HIP1: variants seen among roughly 807,000 people sequenced by gnomAD.
HIP1 encodes the protein huntingtin interacting protein 1.
Under a neutral mutation model 147.6 loss-of-function variants are expected in HIP1, and 65 were observed. The observed-to-expected ratio is 0.44, with a 90% CI of 0.36 to 0.54. The LOEUF is 0.54. HIP1 is among the 20% of genes least tolerant of loss of function. The pLI, the probability that HIP1 is intolerant of heterozygous loss-of-function variation, is 0.00. For missense variants in HIP1, 1,061 were observed against 1,299.6 expected (o/e 0.82, Z 2.82); for synonymous variants, 479 against 504.0 (o/e 0.95, Z 0.67).
At position 75,534,436 on chromosome 7, in the gene HIP1, T is replaced by C. The variant is rs1794007531; in HGVS notation, c.*3736A>G. The C allele has an allele frequency of 5.5e-6, 1 of 182,228 alleles. No homozygotes were observed. 11.3% of individuals were successfully genotyped at this position (182,228 alleles called of 1,614,324 possible). ...TCTCTTCTATTTCTTTCTCTCTCTC[T>C]CTCTTTTTTTTTTTTGAGATGGAGT... On this transcript the variant is annotated 3_prime_UTR_variant, in exon 31 of 31. Coordinates refer to ENST00000336926, the MANE Select transcript of HIP1 (RefSeq NM_005338.7).
intron 1 of HIP1, among the ~76,000 whole-genome samples, chr7:75,636,341 ACT>A (rs1318664279): frequency 6.8e-6 from 1 of 146,784 alleles, no homozygotes; most frequent in African/African-American, 2.5e-5. Context: ...ACACAGCGAG[ACT>A]CTGTCTCAAA....
At chr7:75,561,173 C>T (rs3757604) in intron 13 of HIP1, among the ~76,000 whole-genome samples, 156 bp downstream of exon 13, 13,608 of 151,984 alleles carry the variant, frequency 0.09, 623 homozygotes, top group South Asian at 0.13. Context: ...AGGCTGGTCT[C>T]GAACTCCCGA....
chr7:75,601,910 G>A (rs1375223671), intron 1 of HIP1, among the ~76,000 whole-genome samples: 1 of 149,950 alleles, frequency 6.7e-6, no homozygotes, highest in Non-Finnish European at 1.5e-5. Flanking sequence ...ATTTGTATAC[G>A]TTTGAACTTT....
intron 23 of HIP1, among the ~76,000 whole-genome samples, 159 bp from the exon 24 acceptor site, chr7:75,547,972 C>T (rs587732948): frequency 1.6e-4 from 25 of 152,252 alleles, no homozygotes; most frequent in African/African-American, 5.3e-4. Context: ...AGAAAAGAAT[C>T]CAGACTCTAA....
chr7:75,619,245 G>A (rs890059038), intron 1 of HIP1, among the ~76,000 whole-genome samples: 2 of 152,098 alleles, frequency 1.3e-5, no homozygotes, highest in Admixed American at 6.6e-5. Context: ...AACAGTGGCC[G>A]GGCACAGTGG....
chr7:75,688,780 A>G (rs1554517848), intron 1 of HIP1, among the ~76,000 whole-genome samples: 2 of 152,110 alleles, frequency 1.3e-5, no homozygotes, highest in Non-Finnish European at 2.9e-5. Flanking sequence ...CTCCCCAGGA[A>G]CCAGCAGCAG....
intron 1 of HIP1, among the ~76,000 whole-genome samples, chr7:75,632,622 T>C (rs1389876505): frequency 6.7e-6 from 1 of 149,856 alleles, no homozygotes; most frequent in Non-Finnish European, 1.5e-5. Context: ...GGTCTCAAAC[T>C]CTTAGGCTCA....
At chr7:75,644,885 G>A (rs1194517242) in intron 1 of HIP1, among the ~76,000 whole-genome samples, 2 of 152,172 alleles carry the variant, frequency 1.3e-5, no homozygotes, top group African/African-American at 4.8e-5. Context: ...ATTCTCACCG[G>A]GCTTGCCTTG....
At chr7:75,723,550 C>T (rs1312994188) in intron 1 of HIP1, among the ~76,000 whole-genome samples, 3 of 149,634 alleles carry the variant, frequency 2.0e-5, no homozygotes, top group African/African-American at 7.3e-5. Flanking sequence ...CGACATCTTG[C>T]AGTGCCAGGC....
rs1794034711 is a variant in HIP1, at chr7:75,535,112, C to T, written c.*3060G>A. 4.6e-6 allele frequency: 1 copy of T among 216,382 alleles called. No homozygotes were observed. The highest frequency in any genetic ancestry group is 9.3e-6 in the Non-Finnish European group (1 of 107,414). 13.4% of individuals were successfully genotyped at this position (216,382 alleles called of 1,614,324 possible). On this transcript the variant is annotated 3_prime_UTR_variant, in exon 31 of 31. Coordinates refer to ENST00000336926, the MANE Select transcript of HIP1 (RefSeq NM_005338.7). ...AAAGTAATTATGTGACATCTGACAG[C>T]TACTTCCTCATGTGACACTGAATTA...
chr7:75,735,393 C>T (rs1218901686), intron 1 of HIP1, among the ~76,000 whole-genome samples: 6 of 152,138 alleles, frequency 3.9e-5, no homozygotes, highest in Non-Finnish European at 5.9e-5. Context: ...CCACCTCATC[C>T]GTTCTTGTCA....
chr7:75,556,194 A>G (rs1554493294), intron 17 of HIP1, 25 bp from the exon 18 acceptor site: 6 of 1,612,192 alleles, frequency 3.7e-6, no homozygotes, highest in Middle Eastern at 1.7e-4. Flanking sequence ...ACAAGGAAAG[A>G]GGGAGACGCT....
chr7:75,645,072 G>T (rs1034586982), intron 1 of HIP1, among the ~76,000 whole-genome samples: 6 of 152,200 alleles, frequency 3.9e-5, no homozygotes, highest in Admixed American at 3.3e-4. Context: ...CAGGAACTAG[G>T]AAGGTGGGTG....
intron 1 of HIP1, among the ~76,000 whole-genome samples, chr7:75,683,444 G>GA (rs1411169314): frequency 1.3e-5 from 1 of 79,300 alleles, no homozygotes; most frequent in Non-Finnish European, 2.5e-5. Context: ...GGACTCGTTG[G>GA]GAGTGCACAG....
chr7:75,719,149 C>T (rs937096588), intron 1 of HIP1, among the ~76,000 whole-genome samples: 2 of 151,918 alleles, frequency 1.3e-5, no homozygotes, highest in South Asian at 4.2e-4. Flanking sequence ...GAGATCCTGT[C>T]TCTATTTAAT....
intron 1 of HIP1, among the ~76,000 whole-genome samples, chr7:75,675,096 G>A (rs782047659): frequency 7.9e-5 from 12 of 152,058 alleles, no homozygotes; most frequent in Non-Finnish European, 1.3e-4. Context: ...GTGTCCCGCA[G>A]GTCATTAATC....
At chr7:75,562,645 T>C (rs1795267903) in intron 11 of HIP1, among the ~76,000 whole-genome samples, 1 of 152,122 alleles carries the variant, frequency 6.6e-6, no homozygotes. Context: ...GCTAATTTTG[T>C]AAAGATGGGG....
chr7:75,557,456 C>T (rs587654371), intron 16 of HIP1, among the ~76,000 whole-genome samples, 198 bp downstream of exon 16: 1 of 152,320 alleles, frequency 6.6e-6, no homozygotes, highest in South Asian at 2.1e-4. Context: ...TAACCCCAGG[C>T]AACTTGGGTC....
intron 1 of HIP1, among the ~76,000 whole-genome samples, chr7:75,654,906 T>C (rs1554512431): frequency 6.6e-6 from 1 of 152,082 alleles, no homozygotes; most frequent in African/African-American, 2.4e-5. Flanking sequence ...TCCCAGCTAC[T>C]CTGGAGGCTT....
Sources: allele counts gnomAD v4.1 joint callset (sites outside exome capture counted in the v4.1 genomes callset), GRCh38; gene constraint gnomAD v4.1.1; transcripts MANE v1.5; gene names NCBI Gene and HGNC (gene_info 2026-07-23, HGNC 2026-07-21).